SAMD5: variants seen among roughly 807,000 people sequenced by gnomAD.
SAMD5 encodes the protein sterile alpha motif domain containing 5.
A neutral mutation model predicts 11.3 loss-of-function variants in SAMD5; 13 were observed. The observed-to-expected ratio is 1.15, with a 90% CI of 0.75 to 1.83. The LOEUF (loss-of-function observed/expected upper bound fraction) is 1.83. Ranked by LOEUF, SAMD5 falls within the 40% of genes most tolerant of loss-of-function variation. SAMD5 has a pLI of 0.00. For synonymous variants in SAMD5, 129 were observed against 111.3 expected (o/e 1.16, Z -1.00); for missense variants, 255 against 239.1 (o/e 1.07, Z -0.44).
At chr6:147,903,307 T>A in the SAMD5 span, among the ~76,000 whole-genome samples, 3 of 152,240 alleles carry the variant, frequency 2.0e-5, no homozygotes, top group African/African-American at 7.2e-5. Flanking sequence ...TTGATCTGAT[T>A]GATTACCTCA....
At chr6:147,777,747 T>C in the SAMD5 span, among the ~76,000 whole-genome samples, 3 of 152,178 alleles carry the variant, frequency 2.0e-5, no homozygotes, top group Non-Finnish European at 4.4e-5. Flanking sequence ...ATACCTCATA[T>C]ACGTGGAATC....
At chr6:147,885,689 T>C in the SAMD5 span, among the ~76,000 whole-genome samples, 1 of 151,784 alleles carries the variant, frequency 6.6e-6, no homozygotes, top group African/African-American at 2.4e-5. Context: ...ACTACCCAGG[T>C]TAAATATAAG....
the SAMD5 span, among the ~76,000 whole-genome samples, chr6:147,807,704 A>G: frequency 6.6e-6 from 1 of 152,226 alleles, no homozygotes; most frequent in Non-Finnish European, 1.5e-5. Context: ...GTTGAGGACT[A>G]CAAGCTTAGA....
At chr6:147,768,752 AT>A in the SAMD5 span, among the ~76,000 whole-genome samples, 1 of 152,182 alleles carries the variant, frequency 6.6e-6, no homozygotes, top group African/African-American at 2.4e-5. Flanking sequence ...GAACTTATCC[AT>A]CACCTCACAT....
chr6:147,743,502 CAA>C, the SAMD5 span, among the ~76,000 whole-genome samples: 14 of 119,616 alleles, frequency 1.2e-4, no homozygotes, highest in Non-Finnish European at 1.1e-4. Context: ...GACTCTGTCT[CAA>C]AAAAAAAAAA....
At chr6:147,928,746 G>A in the SAMD5 span, among the ~76,000 whole-genome samples, 1 of 152,048 alleles carries the variant, frequency 6.6e-6, no homozygotes, top group South Asian at 2.1e-4. Flanking sequence ...TCTTTCAGTT[G>A]TGATGTTAGG....
intron 1 of SAMD5, among the ~76,000 whole-genome samples, chr6:147,728,281 G>T (rs1027007255): frequency 3.3e-5 from 5 of 152,050 alleles, no homozygotes; most frequent in Non-Finnish European, 4.4e-5. Context: ...AGCCAGACAC[G>T]GTCTTGTATG....
At chr6:147,702,817 ATGTG>A (rs147257150) in intron 1 of SAMD5, among the ~76,000 whole-genome samples, 1 of 149,944 alleles carries the variant, frequency 6.7e-6, no homozygotes, top group African/African-American at 2.4e-5. Flanking sequence ...CTATTTGTAT[ATGTG>A]TGTGTGTGTG....
the SAMD5 span, among the ~76,000 whole-genome samples, chr6:147,929,312 G>A: frequency 6.6e-6 from 1 of 152,056 alleles, no homozygotes; most frequent in Non-Finnish European, 1.5e-5. Context: ...GTGGACACAG[G>A]GAAATAACAT....
the SAMD5 span, among the ~76,000 whole-genome samples, chr6:147,888,163 A>G: frequency 0.044 from 6,696 of 152,186 alleles, 190 homozygotes; most frequent in Middle Eastern, 0.054. Context: ...ATGAAGTTCA[A>G]TTTATTATTT....
At chr6:147,952,701 T>TG in the SAMD5 span, among the ~76,000 whole-genome samples, 126 of 152,222 alleles carry the variant, frequency 8.3e-4, no homozygotes, top group African/African-American at 2.6e-3. Flanking sequence ...TTTGTAGAGA[T>TG]GGGGTTTTGC....
At chr6:147,867,189 C>T in the SAMD5 span, among the ~76,000 whole-genome samples, 3 of 151,986 alleles carry the variant, frequency 2.0e-5, no homozygotes, top group South Asian at 2.1e-4. Flanking sequence ...ATGTCTGGCC[C>T]GTGCTACTGT....
chr6:147,630,755 G>C (rs969171520), intron 1 of SAMD5, among the ~76,000 whole-genome samples: 2 of 152,154 alleles, frequency 1.3e-5, no homozygotes, highest in Non-Finnish European at 2.9e-5. Flanking sequence ...CATGAAATTT[G>C]ATGCCAAAAC....
intron 1 of SAMD5, among the ~76,000 whole-genome samples, chr6:147,539,399 G>A (rs1254315584): frequency 6.6e-6 from 1 of 152,118 alleles, no homozygotes; most frequent in Non-Finnish European, 1.5e-5. Context: ...ACTATTATTA[G>A]CAATCCCTTG....
chr6:147,765,280 A>C, the SAMD5 span, among the ~76,000 whole-genome samples: 1 of 152,202 alleles, frequency 6.6e-6, no homozygotes, highest in African/African-American at 2.4e-5. Flanking sequence ...ATTTTCTCAA[A>C]GTTCGATGAA....
intron 1 of SAMD5, among the ~76,000 whole-genome samples, chr6:147,612,841 T>C (rs9485203): frequency 0.24 from 36,701 of 152,058 alleles, 7,002 homozygotes; most frequent in African/African-American, 0.52. Flanking sequence ...AGCAGTGACA[T>C]GACTCAGTCT....
the SAMD5 span, among the ~76,000 whole-genome samples, chr6:147,850,387 A>C: frequency 2.0e-5 from 3 of 152,198 alleles, no homozygotes; most frequent in Non-Finnish European, 4.4e-5. Context: ...TGTATCTAAA[A>C]TTAAACTTAT....
chr6:147,880,343 T>C, the SAMD5 span, among the ~76,000 whole-genome samples: 1 of 152,052 alleles, frequency 6.6e-6, no homozygotes, highest in Admixed American at 6.6e-5. Context: ...TCTTTCTTTC[T>C]CTCTGGGTCT....
chr6:147,693,282 T>G (rs1791129229), intron 1 of SAMD5, among the ~76,000 whole-genome samples: 1 of 152,286 alleles, frequency 6.6e-6, no homozygotes, highest in South Asian at 2.1e-4. Context: ...TTCCCCACAT[T>G]GTAATGGAGG....
Sources: allele counts gnomAD v4.1 joint callset (sites outside exome capture counted in the v4.1 genomes callset), GRCh38; gene constraint gnomAD v4.1.1; transcripts MANE v1.5; gene names NCBI Gene and HGNC (gene_info 2026-07-23, HGNC 2026-07-21).